Variants in NRXN2 observed in about 807,000 individuals in gnomAD.
The protein encoded by NRXN2 is neurexin 2, also known as neurexin-2-beta.
Under a neutral mutation model 128.8 loss-of-function variants are expected in NRXN2, and 29 were observed. That is an observed-to-expected ratio of 0.23 (90% CI 0.17 to 0.31). NRXN2 has a LOEUF of 0.31. NRXN2 is among the 10% of genes least tolerant of loss of function. The pLI is 1.00. For missense variants in NRXN2, 1,881 were observed against 2,452.6 expected, an observed-to-expected ratio of 0.77 and a Z score of 4.92; for synonymous variants, 1,098 against 1,075.2, an observed-to-expected ratio of 1.02 and a Z score of -0.41.
In NRXN2 at chr11:64,714,066, TAGAG is replaced by T. The variant is rs1253086622; in HGVS notation, c.-244-127_-244-124del. On this transcript the variant is annotated intron_variant, in intron 1 of 22. Coordinates refer to ENST00000265459, the MANE Select transcript of NRXN2 (RefSeq NM_015080.4). The surrounding 1 kb of genome is among the most constrained non-coding windows in gnomAD (Gnocchi z 4.5). ...CACCAGACTGTTTCCCTGCAGAACT[TAGAG>T]AGGCCCTGACCTGCAGAGGGTCCCG... The T allele has an allele frequency of 1.3e-5, 2 of 152,410 alleles. No individual in the cohort carries two copies. The highest frequency in any genetic ancestry group is 2.9e-5 in the Non-Finnish European group (2 of 68,268). The allele number at this position is 152,410 out of a possible 1,614,324, so 9.4% of individuals were successfully genotyped here.
Position 64,660,551 on chromosome 11 carries a change from G to A in NRXN2, c.2186-16C>T, listed in dbSNP as rs1480345174. ...ACCGTGGCCTCTGCCCACAGGAGTTGGGGAAGAGGGAAGGAGAAGACAGGC... is the reference window on the plus strand; with the variant it reads ...ACCGTGGCCTCTGCCCACAGGAGTTAGGGAAGAGGGAAGGAGAAGACAGGC... On this transcript the variant is annotated splice_polypyrimidine_tract_variant and intron_variant, in intron 10 of 22. Transcript: ENST00000265459. The surrounding 1 kb of genome is among the most constrained non-coding windows in gnomAD (Gnocchi z 5.2). The A allele has an allele frequency of 1.2e-6, 2 of 1,612,970 alleles. No individual in the cohort carries two copies. The highest frequency in any genetic ancestry group is 1.1e-5 in the South Asian group (1 of 91,036).
Position 64,651,422 on chromosome 11 carries a change from G to A in NRXN2, c.2751C>T (p.Ala917=), listed in dbSNP as rs761763174. Residue 917 remains alanine (A), a synonymous_variant, in exon 14 of 23, where the codon GCC becomes GCT. Transcript: ENST00000265459. This position sits in a 1 kb window ranked among gnomAD's most constrained non-coding sequence, Gnocchi z 5.9. ...NARFGLRAIV[A]DPVTFKSRSS... ...TGCGACTCTTGAAGGTGACGGGATC[G>A]GCCACGATGGCACGCAGGCCAAAGC... 26 of 1,614,052 alleles carry A rather than the reference G, an allele frequency of 1.6e-5. No individual in the cohort carries two copies. The highest frequency in any genetic ancestry group is 2.0e-5 in the Non-Finnish European group (24 of 1,180,022).
Position 64,648,178 on chromosome 11 carries a change from C to G in NRXN2, c.3403+41G>C. The G allele has an allele frequency of 1.2e-6, 2 of 1,613,814 alleles. No homozygotes were observed. The highest frequency in any genetic ancestry group is 1.7e-6 in the Non-Finnish European group (2 of 1,179,954). On this transcript the variant is annotated intron_variant, in intron 17 of 22. Coordinates refer to ENST00000265459, the MANE Select transcript of NRXN2 (RefSeq NM_015080.4). The surrounding 1 kb of genome is among the most constrained non-coding windows in gnomAD (Gnocchi z 4.1). ...CAGCCCCTATGGCTGGGAATGGACC[C>G]TGGTCTCCCCAAACTGCCCCCAGCC...
rs1050045718 is a variant in NRXN2 at position 64,692,884 on chromosome 11, A to G, written c.749-8T>C. On this transcript the variant is annotated splice_region_variant and splice_polypyrimidine_tract_variant and intron_variant, in intron 3 of 22. Transcript: ENST00000265459. ...ACGTCAGGTGAGCCGGACCTTGGAA[A>G]GGGGAAGGAGAGAAAGAAAGAAAGA... 2 of 1,610,674 alleles carry G rather than the reference A, an allele frequency of 1.2e-6. No homozygotes were observed. The highest frequency in any genetic ancestry group is 1.3e-5 in the African/African-American group (1 of 74,794).
chr11:64,635,232 G>A lies in NRXN2; in HGVS notation c.3585+39C>T, dbSNP rs2044529821. The A allele has an allele frequency of 5.0e-6, 8 of 1,609,304 alleles. No individual in the cohort carries two copies. The highest frequency in any genetic ancestry group is 3.3e-5 in the Admixed American group (2 of 59,992). On this transcript the variant is annotated intron_variant, in intron 18 of 22. Transcript: ENST00000265459. This position sits in a 1 kb window ranked among gnomAD's most constrained non-coding sequence, Gnocchi z 4.8. ...AGGGGCTGAACTGATTTGGGAGCAG[G>A]AAGCTTGAGGTTGAAGGGTTGGGGC...
At chr11:64,619,071 C>A (rs1037947419) in intron 22 of NRXN2, among the ~76,000 whole-genome samples, 1 of 152,104 alleles carries the variant, frequency 6.6e-6, no homozygotes, top group African/African-American at 2.4e-5. Flanking sequence ...AGCTGGGAGG[C>A]CCCCAGGCCA....
intron 1 of NRXN2, among the ~76,000 whole-genome samples, chr11:64,717,844 G>A (rs1470738923): frequency 6.6e-6 from 1 of 152,186 alleles, no homozygotes; most frequent in East Asian, 1.9e-4. Flanking sequence ...TAAAGGGTGT[G>A]AGGGCTCCAA....
intron 11 of NRXN2, among the ~76,000 whole-genome samples, chr11:64,657,929 C>T (rs1490739197): frequency 1.3e-5 from 2 of 152,184 alleles, no homozygotes; most frequent in African/African-American, 4.8e-5. Flanking sequence ...ATCTGTCAGT[C>T]TGGGAAGCCT....
At chr11:64,704,433 T>A (rs937215082) in intron 2 of NRXN2, among the ~76,000 whole-genome samples, 1 of 152,106 alleles carries the variant, frequency 6.6e-6, no homozygotes, top group African/African-American at 2.4e-5. Flanking sequence ...ATAGGAGTCA[T>A]GGAGCTGTAA....
chr11:64,622,065 G>A lies in NRXN2; in HGVS notation c.4173+688C>T, dbSNP rs2042427831. Among the ~76,000 whole-genome samples the A allele has an allele frequency of 6.6e-6, 1 of 152,318 alleles. No individual in the cohort carries two copies. Among genetic ancestry groups the A allele is most frequent in the African/African-American group, 2.4e-5 (1 of 41,560 alleles). Reference sequence around the variant, plus strand: ...GGGGCCATCCAGATCAGCAGGTGGGGTGAGCACCAGGGAACTGTCTGCACT... The same window carrying A: ...GGGGCCATCCAGATCAGCAGGTGGGATGAGCACCAGGGAACTGTCTGCACT... On this transcript the variant is annotated intron_variant, in intron 21 of 22. Transcript: ENST00000265459. This position sits in a 1 kb window ranked among gnomAD's most constrained non-coding sequence, Gnocchi z 4.3.
At chr11:64,699,039 A>T in intron 2 of NRXN2, among the ~76,000 whole-genome samples, 1 of 152,150 alleles carries the variant, frequency 6.6e-6, no homozygotes, top group East Asian at 1.9e-4. Context: ...GCATGCACAC[A>T]TTATCTCCTC....
intron 17 of NRXN2, chr11:64,642,772 C>T: frequency 2.5e-6 from 3 of 1,197,408 alleles, no homozygotes; most frequent in Non-Finnish European, 2.1e-6. Context: ...GCGGCGCGGG[C>T]ACCCCCCCGG....
At chr11:64,704,623 CAGAGAGAGAGAGAGAGAGAGAG>C (rs61394963) in intron 2 of NRXN2, among the ~76,000 whole-genome samples, 3 of 81,178 alleles carry the variant, frequency 3.7e-5, no homozygotes, top group Non-Finnish European at 4.8e-5. Context: ...CACACACACA[CAGAGAGAGAGAGAGAGAGAGAG>C]AGAGAGAGAG....
intron 7 of NRXN2, among the ~76,000 whole-genome samples, chr11:64,670,242 A>C (rs61884411): frequency 0.099 from 15,117 of 152,006 alleles, 972 homozygotes; most frequent in East Asian, 0.19. Flanking sequence ...CTTTGTGGAA[A>C]GGGGCAGTCT....
intron 2 of NRXN2, among the ~76,000 whole-genome samples, chr11:64,705,587 C>A (rs1019782912): frequency 2.6e-5 from 4 of 152,028 alleles, no homozygotes; most frequent in Admixed American, 1.3e-4. Flanking sequence ...TTCTCCTTGG[C>A]CACTTCATCT....
At chr11:64,705,940 C>T (rs2135643761) in intron 2 of NRXN2, among the ~76,000 whole-genome samples, 1 of 145,978 alleles carries the variant, frequency 6.9e-6, no homozygotes, top group Non-Finnish European at 1.5e-5. Context: ...CTTGCCACTC[C>T]CCAAGACAAC....
intron 18 of NRXN2, among the ~76,000 whole-genome samples, chr11:64,633,637 C>T (rs1443526542): frequency 6.6e-6 from 1 of 152,148 alleles, no homozygotes; most frequent in African/African-American, 2.4e-5. Flanking sequence ...CTGCAAACAC[C>T]ACTACATGGG....
At position 64,630,869 on chromosome 11, in the gene NRXN2, T is replaced by G. The variant is rs1287200509; in HGVS notation, c.3586-296A>C. On this transcript the variant is annotated intron_variant, in intron 18 of 22. Transcript: ENST00000265459. This position sits in a 1 kb window ranked among gnomAD's most constrained non-coding sequence, Gnocchi z 4.6. ...AAGTATTCACAGAGCACCTACTCTG[T>G]GCAAGGGCCACTGGGCCCAGACAGG... is the stretch of plus-strand genomic sequence containing the variant. 6.6e-6 allele frequency among the ~76,000 whole-genome samples: 1 copy of G among 152,164 alleles called. No individual in the cohort carries two copies. The highest frequency in any genetic ancestry group is 1.9e-4 in the East Asian group (1 of 5,190).
intron 3 of NRXN2, among the ~76,000 whole-genome samples, chr11:64,693,158 GA>G (rs1453165618): frequency 2.0e-5 from 3 of 149,714 alleles, no homozygotes; most frequent in East Asian, 2.0e-4. Flanking sequence ...GAGAGGGTGA[GA>G]GGGGTACAGG....
Sources: allele counts gnomAD v4.1 joint callset (sites outside exome capture counted in the v4.1 genomes callset), GRCh38; gene constraint gnomAD v4.1.1; non-coding constraint Gnocchi (gnomAD v3.1); transcripts MANE v1.5; gene names NCBI Gene and HGNC (gene_info 2026-07-23, HGNC 2026-07-21).